RTN1: variants seen among roughly 807,000 people sequenced by gnomAD.
RTN1 encodes the protein reticulon 1, also known as reticulon-1.
Under a neutral mutation model 65.5 loss-of-function variants are expected in RTN1, and 25 were observed. The observed-to-expected ratio is 0.38, with a 90% CI of 0.28 to 0.53. The LOEUF is 0.53. Ranked by LOEUF, RTN1 falls within the 20% of genes least tolerant of loss-of-function variation. The pLI is 0.79. For synonymous variants in RTN1, 471 were observed against 447.6 expected, an observed-to-expected ratio of 1.05 and a Z score of -0.66; for missense variants, 983 against 1,025.4, an observed-to-expected ratio of 0.96 and a Z score of 0.57.
At chr14:59,869,261 A>G (rs544593236) in intron 1 of RTN1, among the ~76,000 whole-genome samples, 2 of 151,864 alleles carry the variant, frequency 1.3e-5, no homozygotes, top group South Asian at 4.2e-4. Context: ...ATCAACCACC[A>G]AGAGCACACA....
intron 1 of RTN1, among the ~76,000 whole-genome samples, chr14:59,780,488 C>T (rs1886134132): frequency 6.6e-6 from 1 of 152,244 alleles, no homozygotes; most frequent in Admixed American, 6.5e-5. Flanking sequence ...CCTAATGGTG[C>T]CAACCATTCC....
intron 1 of RTN1, among the ~76,000 whole-genome samples, chr14:59,845,389 C>T (rs1177844843): frequency 1.3e-5 from 2 of 152,136 alleles, no homozygotes; most frequent in African/African-American, 2.4e-5. Context: ...ATGTCTGAGC[C>T]GGAAACTTAA....
chr14:59,703,123 C>T (rs72716154), intron 3 of RTN1, among the ~76,000 whole-genome samples: 4,917 of 152,256 alleles, frequency 0.032, 117 homozygotes, highest in Non-Finnish European at 0.049. Context: ...CCCTCCATCA[C>T]ATTCTCAATC....
chr14:59,811,798 T>G (rs1412821185), intron 1 of RTN1, among the ~76,000 whole-genome samples: 2 of 152,182 alleles, frequency 1.3e-5, no homozygotes, highest in African/African-American at 4.8e-5. Flanking sequence ...TGATAAAATA[T>G]CCAAAGAGCT....
chr14:59,867,007 T>C (rs1052206636), intron 1 of RTN1, among the ~76,000 whole-genome samples: 1 of 152,196 alleles, frequency 6.6e-6, no homozygotes, highest in Non-Finnish European at 1.5e-5. Context: ...GAAATTTAAG[T>C]CAAATTATTT....
intron 3 of RTN1, among the ~76,000 whole-genome samples, chr14:59,700,489 T>C (rs1191169495): frequency 1.3e-5 from 2 of 152,114 alleles, no homozygotes; most frequent in Non-Finnish European, 2.9e-5. Context: ...AAAGCTACAA[T>C]AGTCAAGATA....
intron 1 of RTN1, among the ~76,000 whole-genome samples, chr14:59,859,600 G>T (rs1180632120): frequency 2.0e-5 from 3 of 152,186 alleles, no homozygotes; most frequent in Non-Finnish European, 2.9e-5. Context: ...CTTTGGAAGT[G>T]GGTAAGAGGC....
chr14:59,630,800 G>C (rs1882534748), intron 3 of RTN1: 5 of 1,034,908 alleles, frequency 4.8e-6, no homozygotes, highest in Non-Finnish European at 5.8e-6. Context: ...CCCTGGAGAC[G>C]GGTAAAGCGG....
intron 8 of RTN1, among the ~76,000 whole-genome samples, chr14:59,599,938 T>C (rs1212317031): frequency 6.6e-6 from 1 of 152,188 alleles, no homozygotes; most frequent in Non-Finnish European, 1.5e-5. Context: ...TTCTAAAACA[T>C]AACTCACCTA....
intron 3 of RTN1, among the ~76,000 whole-genome samples, chr14:59,697,930 G>A (rs542199691): frequency 2.7e-4 from 41 of 152,190 alleles, no homozygotes; most frequent in African/African-American, 8.2e-4. Context: ...TTAGAAAAGC[G>A]GGTTGGAGGA....
chr14:59,621,327 C>T (rs1262206829), intron 3 of RTN1, among the ~76,000 whole-genome samples: 1 of 152,176 alleles, frequency 6.6e-6, no homozygotes, highest in South Asian at 2.1e-4. Flanking sequence ...TCTGAGTATA[C>T]ATTAACTAAG....
chr14:59,673,990 T>C (rs746500154), intron 3 of RTN1, among the ~76,000 whole-genome samples: 3 of 152,130 alleles, frequency 2.0e-5, no homozygotes, highest in Non-Finnish European at 2.9e-5. Flanking sequence ...TTTGTGTGAG[T>C]GTCTATTATT....
At chr14:59,817,079 CT>C (rs201936687) in intron 1 of RTN1, among the ~76,000 whole-genome samples, 2,273 of 149,640 alleles carry the variant, frequency 0.015, 52 homozygotes, top group African/African-American at 0.051. Context: ...CTTAATGCAG[CT>C]TTTTTTTTTC....
At chr14:59,796,202 C>T (rs192780154) in intron 1 of RTN1, among the ~76,000 whole-genome samples, 2 of 152,272 alleles carry the variant, frequency 1.3e-5, no homozygotes, top group East Asian at 3.9e-4. Context: ...GTATTCAATA[C>T]AGTAACATGC....
At chr14:59,626,312 A>G (rs1333414495) in intron 3 of RTN1, among the ~76,000 whole-genome samples, 1 of 152,240 alleles carries the variant, frequency 6.6e-6, no homozygotes, top group Non-Finnish European at 1.5e-5. Context: ...ATTTTATAAA[A>G]AAAGATTGCC....
At chr14:59,619,052 GAA>G (rs904164538) in intron 3 of RTN1, among the ~76,000 whole-genome samples, 4 of 152,246 alleles carry the variant, frequency 2.6e-5, no homozygotes, top group Non-Finnish European at 4.4e-5. Flanking sequence ...AATTGACAAA[GAA>G]AGAGGATGTG....
At chr14:59,688,365 C>A (rs1441626106) in intron 3 of RTN1, among the ~76,000 whole-genome samples, 1 of 152,228 alleles carries the variant, frequency 6.6e-6, no homozygotes, top group Admixed American at 6.5e-5. Flanking sequence ...ACTAGGCACA[C>A]CTCTGGGTAC....
chr14:59,841,962 C>A (rs1446792583), intron 1 of RTN1, among the ~76,000 whole-genome samples: 1 of 151,654 alleles, frequency 6.6e-6, no homozygotes, highest in African/African-American at 2.4e-5. Flanking sequence ...CCCATCTCTA[C>A]TAAAAATACA....
chr14:59,656,299 CTT>C, intron 3 of RTN1, among the ~76,000 whole-genome samples: 1 of 152,204 alleles, frequency 6.6e-6, no homozygotes, highest in African/African-American at 2.4e-5. Context: ...AACTGCATAA[CTT>C]TGTGAATATG....
Sources: allele counts gnomAD v4.1 joint callset (sites outside exome capture counted in the v4.1 genomes callset), GRCh38; gene constraint gnomAD v4.1.1; transcripts MANE v1.5; gene names NCBI Gene and HGNC (gene_info 2026-07-23, HGNC 2026-07-21).